The following C19orf12 variants were observed in gnomAD, a reference collection of about 807,000 sequenced individuals.
C19orf12 encodes chromosome 19 open reading frame 12, also known as protein C19orf12.
In C19orf12, 2 loss-of-function variants were observed where a neutral mutation model predicts 3.8. That is an observed-to-expected ratio of 0.53 (90% CI 0.22 to 1.66). The LOEUF is 1.66. Ranked by LOEUF, C19orf12 falls within the 40% of genes most tolerant of loss-of-function variation. C19orf12 has a pLI of 0.20. For synonymous variants in C19orf12, 89 were observed against 84.6 expected, an observed-to-expected ratio of 1.05 and a Z score of -0.28; for missense variants, 156 against 188.8, an observed-to-expected ratio of 0.83 and a Z score of 1.02.
chr19:29,712,785 G>C (rs1256177162), intron 1 of C19orf12, among the ~76,000 whole-genome samples: 5 of 152,042 alleles, frequency 3.3e-5, no homozygotes, highest in African/African-American at 1.2e-4. Flanking sequence ...CTACCCTCTG[G>C]AGTGTCTGCG....
At chr19:29,713,005 A>G (rs938515091) in intron 1 of C19orf12, among the ~76,000 whole-genome samples, 1 of 152,194 alleles carries the variant, frequency 6.6e-6, no homozygotes, top group Non-Finnish European at 1.5e-5. Flanking sequence ...CCAAGGTTCA[A>G]TTTCTTTGTA....
chr19:29,711,706 C>T (rs1217126929), intron 1 of C19orf12, among the ~76,000 whole-genome samples: 3 of 152,142 alleles, frequency 2.0e-5, no homozygotes, highest in Non-Finnish European at 4.4e-5. Context: ...CAAGAAAATG[C>T]ATGTAGAAGT....
chr19:29,702,744 C>A lies in C19orf12; in HGVS notation c.394G>T (p.Glu132Ter), dbSNP rs1470139009. 1 of 1,613,804 alleles carries A rather than the reference C, an allele frequency of 6.2e-7. No individual in the cohort carries two copies. The highest frequency in any genetic ancestry group is 1.3e-5 in the African/African-American group (1 of 74,926). The change falls in exon 3 of 3, where the codon GAG becomes TAG. Residue 132 changes from glutamate (E) to a stop codon, truncating the protein, a stop_gained. Coordinates refer to ENST00000323670, the MANE Select transcript of C19orf12 (RefSeq NM_031448.6). LOFTEE classifies it high-confidence loss of function. ...LAMLVNYVTK[E>*]LRAEIQYDD The stretch of plus-strand genomic sequence containing the variant: ...TCATACTGGATCTCGGCCCGCAGCT[C>A]CTTGGTGACGTAGTTCACCAGCATG...
intron 1 of C19orf12, among the ~76,000 whole-genome samples, chr19:29,713,262 C>G (rs1599554937): frequency 6.6e-6 from 1 of 151,976 alleles, no homozygotes; most frequent in Admixed American, 6.6e-5. Context: ...CTCCCCCTCC[C>G]CCACTGTATC....
chr19:29,706,603 GTCA>G (rs1305398349), intron 2 of C19orf12, among the ~76,000 whole-genome samples: 1 of 152,186 alleles, frequency 6.6e-6, no homozygotes, highest in Non-Finnish European at 1.5e-5. Context: ...GATGCACAGT[GTCA>G]TCGAGGAAGA....
chr19:29,714,008 CTT>C (rs904608828), intron 1 of C19orf12, among the ~76,000 whole-genome samples: 2 of 151,884 alleles, frequency 1.3e-5, no homozygotes, highest in Admixed American at 1.3e-4. Context: ...CTCTCTCTCT[CTT>C]TCTCTTTCCC....
chr19:29,700,836 C>T lies in C19orf12; in HGVS notation c.*1876G>A, dbSNP rs1484976632. 2.2e-6 allele frequency: 1 copy of T among 454,118 alleles called. No homozygotes were observed. The highest frequency in any genetic ancestry group is 4.4e-6 in the Non-Finnish European group (1 of 226,792). 28.1% of individuals were successfully genotyped at this position (454,118 alleles called of 1,614,324 possible). On this transcript the variant is annotated 3_prime_UTR_variant, in exon 3 of 3. Coordinates refer to ENST00000323670, the MANE Select transcript of C19orf12 (RefSeq NM_031448.6). Reference sequence around the variant, plus strand: ...ATACTGAGCTTTCCTATAAGCAGGGCCTCAGCAGAAGTGCCTCCCTCCGAG... The same window carrying T: ...ATACTGAGCTTTCCTATAAGCAGGGTCTCAGCAGAAGTGCCTCCCTCCGAG...
chr19:29,714,287 G>A (rs1233596816), intron 1 of C19orf12, among the ~76,000 whole-genome samples: 1 of 152,130 alleles, frequency 6.6e-6, no homozygotes, highest in African/African-American at 2.4e-5. Flanking sequence ...AAGGTCAGGA[G>A]TTTGAGATTA....
intron 1 of C19orf12, among the ~76,000 whole-genome samples, chr19:29,712,758 T>A (rs1054930578): frequency 5.3e-5 from 8 of 152,296 alleles, no homozygotes; most frequent in Admixed American, 4.6e-4. Flanking sequence ...TTTTGCTTAT[T>A]AAACTTCTGC....
chr19:29,708,659 G>A, intron 1 of C19orf12: 1 of 581,668 alleles, frequency 1.7e-6, no homozygotes, highest in Non-Finnish European at 3.1e-6. Flanking sequence ...GGTCTTCTTT[G>A]CCCTCTGATT....
In C19orf12 at chr19:29,702,889, G is replaced by C; in HGVS notation, c.249C>G (p.Ala83=). 3.7e-6 allele frequency: 6 copies of C among 1,614,162 alleles called. No individual in the cohort carries two copies. The highest frequency in any genetic ancestry group is 5.1e-6 in the Non-Finnish European group (6 of 1,180,030). ...CTTCGTTAAAGAGCCTCTGTTGCTC[G>C]GCAGGGGGCAGCTCCATTAGGATCT... The part of the protein sequence containing the change: ...VPQILMELPP[A]EQQRLFNEAA... Residue 83 remains alanine, a synonymous_variant, in exon 3 of 3, where the codon GCC becomes GCG. Transcript: ENST00000323670.
At chr19:29,698,914 A>G, downstream of C19orf12, 1 of 390,978 alleles carries the variant, frequency 2.6e-6, no homozygotes, top group South Asian at 1.8e-5. Context: ...TTTCACTTTG[A>G]GGAATGAATC....
chr19:29,707,617 T>G (rs1186936533), intron 2 of C19orf12, among the ~76,000 whole-genome samples: 1 of 152,216 alleles, frequency 6.6e-6, no homozygotes, highest in Non-Finnish European at 1.5e-5. Context: ...GGCCTGCTGC[T>G]CTGATACTTA....
intron 1 of C19orf12, among the ~76,000 whole-genome samples, chr19:29,709,239 C>A (rs996915668): frequency 6.6e-6 from 1 of 152,166 alleles, no homozygotes; most frequent in Non-Finnish European, 1.5e-5. Context: ...GACGGACGGG[C>A]GAGTAGACCT....
chr19:29,713,276 C>T (rs939023903), intron 1 of C19orf12, among the ~76,000 whole-genome samples: 10 of 151,988 alleles, frequency 6.6e-5, no homozygotes, highest in African/African-American at 2.4e-4. Context: ...CTGTATCACA[C>T]CTATTTCACA....
rs990798759 is a variant in C19orf12, at chr19:29,702,328, G to A, written c.*384C>T. ...GCTCTGAAGAGGAGTCATCTCCCAA[G>A]ATGAGAAGGCCCCGGGGGGAGGATG... On this transcript the variant is annotated 3_prime_UTR_variant, in exon 3 of 3. Transcript: ENST00000323670. 36 of 472,862 alleles carry A rather than the reference G, an allele frequency of 7.6e-5. No individual in the cohort carries two copies. The highest frequency in any genetic ancestry group is 6.9e-4 in the African/African-American group (35 of 50,894). 29.3% of individuals were successfully genotyped at this position (472,862 alleles called of 1,614,324 possible). A position where few individuals can be genotyped will look rare whatever the true frequency, so the allele number is the denominator to read the frequency against.
intron 1 of C19orf12, among the ~76,000 whole-genome samples, chr19:29,708,960 A>ATAG: frequency 6.6e-6 from 1 of 152,324 alleles, no homozygotes; most frequent in South Asian, 2.1e-4. Context: ...CAGTCCCTAC[A>ATAG]GGCTGGACTC....
At chr19:29,714,985 G>C (rs757228095) in intron 1 of C19orf12, 140 bp downstream of exon 1, 5 of 713,728 alleles carry the variant, frequency 7.0e-6, no homozygotes, top group Non-Finnish European at 1.0e-5. Flanking sequence ...CCCCGGCACC[G>C]GGAGGGCCGG....
At chr19:29,705,461 G>A (rs1972326791) in intron 2 of C19orf12, 8 of 295,962 alleles carry the variant, frequency 2.7e-5, no homozygotes, top group South Asian at 2.2e-4. Flanking sequence ...CCCAAATCAA[G>A]TCTGGAGAAT....
Sources: gnomAD v4.1 joint callset for allele counts (sites outside exome capture counted in the v4.1 genomes callset) on GRCh38, gnomAD v4.1.1 for gene constraint, MANE v1.5 for transcripts, NCBI Gene and HGNC (gene_info 2026-07-23, HGNC 2026-07-21) for gene names.